Variants in RBMS3 observed in about 807,000 individuals in gnomAD.
RBMS3 encodes RNA binding motif single stranded interacting protein 3.
Under a neutral mutation model 66.8 loss-of-function variants are expected in RBMS3, and 27 were observed. The observed-to-expected ratio is 0.40, with a 90% CI of 0.30 to 0.56. The LOEUF is 0.56. Ranked by LOEUF, RBMS3 falls within the 20% of genes least tolerant of loss-of-function variation. RBMS3 has a pLI of 0.40. For missense variants in RBMS3, 513 were observed against 549.5 expected, an observed-to-expected ratio of 0.93 and a Z score of 0.66; for synonymous variants, 188 against 183.0, an observed-to-expected ratio of 1.03 and a Z score of -0.22.
intron 3 of RBMS3, among the ~76,000 whole-genome samples, chr3:29,510,738 A>C (rs148464159): frequency 9.2e-5 from 14 of 152,236 alleles, no homozygotes; most frequent in African/African-American, 3.4e-4. Flanking sequence ...AGATTTTTGG[A>C]TTAGGGATGC....
chr3:29,927,254 C>T (rs1263026454), intron 10 of RBMS3: 2 of 152,136 alleles, frequency 1.3e-5, no homozygotes, highest in Non-Finnish European at 2.9e-5. Flanking sequence ...CTGGTATTTC[C>T]ATTGAATCTT....
intron 6 of RBMS3, among the ~76,000 whole-genome samples, chr3:29,854,173 T>C (rs1434463208): frequency 2.0e-5 from 3 of 152,266 alleles, no homozygotes; most frequent in South Asian, 4.2e-4. Flanking sequence ...AGCTCCAGGC[T>C]GAGAAGGGCG....
chr3:29,541,039 T>C (rs1277647725), intron 3 of RBMS3, among the ~76,000 whole-genome samples: 6 of 152,210 alleles, frequency 3.9e-5, no homozygotes, highest in Admixed American at 3.9e-4. Context: ...GAAAACTACA[T>C]AGCCCATTGT....
intron 4 of RBMS3, among the ~76,000 whole-genome samples, chr3:29,652,992 A>G (rs979030020): frequency 3.3e-5 from 5 of 152,338 alleles, no homozygotes; most frequent in Middle Eastern, 3.4e-3. Context: ...TGTAGAAATC[A>G]ACTTCTATAG....
chr3:29,799,577 G>T (rs2057324500), intron 6 of RBMS3, among the ~76,000 whole-genome samples: 1 of 152,064 alleles, frequency 6.6e-6, no homozygotes, highest in Non-Finnish European at 1.5e-5. Context: ...ATTTTTCAAA[G>T]CAACAAAACA....
At chr3:29,897,575 C>T (rs942109222) in intron 9 of RBMS3, 100 bp downstream of exon 9, 3 of 1,055,054 alleles carry the variant, frequency 2.8e-6, no homozygotes, top group African/African-American at 1.6e-5. Context: ...AAAAAATTCT[C>T]ATACACTTTA....
intron 6 of RBMS3, among the ~76,000 whole-genome samples, chr3:29,826,702 A>G (rs936063385): frequency 6.6e-6 from 1 of 152,152 alleles, no homozygotes; most frequent in African/African-American, 2.4e-5. Flanking sequence ...GAAATCACCT[A>G]CATTTCTTAG....
chr3:29,884,935 G>T (rs921580191), intron 8 of RBMS3, among the ~76,000 whole-genome samples: 2 of 151,980 alleles, frequency 1.3e-5, no homozygotes, highest in African/African-American at 4.8e-5. Flanking sequence ...GCTTTCAGTT[G>T]TCTGTCTTTC....
chr3:29,481,252 G>T (rs1171406471), intron 2 of RBMS3, among the ~76,000 whole-genome samples: 1 of 152,194 alleles, frequency 6.6e-6, no homozygotes, highest in Non-Finnish European at 1.5e-5. Context: ...GGGTGGAGAT[G>T]AGAGGCTTTG....
intron 3 of RBMS3, among the ~76,000 whole-genome samples, chr3:29,529,071 T>A (rs930694444): frequency 1.3e-5 from 2 of 152,288 alleles, no homozygotes; most frequent in Admixed American, 1.3e-4. Flanking sequence ...ATTGTTTTAG[T>A]GGCAGAATAG....
intron 1 of RBMS3, among the ~76,000 whole-genome samples, chr3:29,295,850 A>G (rs1487322080): frequency 1.3e-5 from 2 of 151,744 alleles, no homozygotes; most frequent in Non-Finnish European, 2.9e-5. Flanking sequence ...TAAAAATTAA[A>G]TCTTTCATCT....
At chr3:29,393,976 G>T (rs1352011039) in intron 1 of RBMS3, among the ~76,000 whole-genome samples, 1 of 152,116 alleles carries the variant, frequency 6.6e-6, no homozygotes, top group East Asian at 1.9e-4. Flanking sequence ...TGTCCCACTG[G>T]GCATGCATTG....
intron 12 of RBMS3, among the ~76,000 whole-genome samples, chr3:29,974,605 C>A (rs1697434093): frequency 6.6e-6 from 1 of 151,474 alleles, no homozygotes; most frequent in South Asian, 2.1e-4. Context: ...CTTTTATAAT[C>A]CCCACAAAAG....
At chr3:29,551,060 A>G (rs1350650935) in intron 3 of RBMS3, among the ~76,000 whole-genome samples, 4 of 152,232 alleles carry the variant, frequency 2.6e-5, no homozygotes, top group Non-Finnish European at 1.5e-5. Flanking sequence ...ATGGACATTT[A>G]AAGAAAGAAA....
At chr3:29,551,523 A>C (rs35897) in intron 3 of RBMS3, among the ~76,000 whole-genome samples, 91,317 of 151,980 alleles carry the variant, frequency 0.6, 28,202 homozygotes, top group African/African-American at 0.74. Flanking sequence ...TAGAAAAATA[A>C]AATAGGGATA....
At chr3:29,939,018 G>T (rs1354918203) in intron 11 of RBMS3, among the ~76,000 whole-genome samples, 1 of 151,940 alleles carries the variant, frequency 6.6e-6, no homozygotes, top group Non-Finnish European at 1.5e-5. Flanking sequence ...CTTCTAACTG[G>T]TGGGAGTCTA....
At chr3:29,474,106 T>C (rs2042863357) in intron 2 of RBMS3, among the ~76,000 whole-genome samples, 1 of 152,266 alleles carries the variant, frequency 6.6e-6, no homozygotes, top group African/African-American at 2.4e-5. Flanking sequence ...CAGCGCCTCT[T>C]CTAATTTTTC....
chr3:29,388,077 A>T lies in RBMS3; in HGVS notation c.76-46666A>T, dbSNP rs1034490233. Reference sequence around the variant, plus strand: ...ACTTCCCCAACCAAACTGTCTACACACACACAGACACACACACACACACAC... The same window carrying T: ...ACTTCCCCAACCAAACTGTCTACACTCACACAGACACACACACACACACAC... On this transcript the variant is annotated intron_variant, in intron 1 of 14. Coordinates refer to ENST00000383767, the MANE Select transcript of RBMS3 (RefSeq NM_001003793.3). Among the ~76,000 whole-genome samples the T allele has an allele frequency of 1.3e-4, 14 of 105,648 alleles. No homozygotes were observed. In the East Asian group the frequency reaches 5.0e-3, roughly 38 times the overall value. The allele number at this position is 105,648 out of a possible 152,430, so 69.3% of individuals were successfully genotyped here.
rs145419453 is a variant in RBMS3 at position 29,784,485 on chromosome 3, G to T, written c.637+21496G>T. 6.6e-3 allele frequency among the ~76,000 whole-genome samples: 1,009 copies of T among 152,040 alleles called. 16 individuals carry two copies. Among genetic ancestry groups the T allele is most frequent in the Middle Eastern group, 0.027 (8 of 294 alleles). On this transcript the variant is annotated intron_variant, in intron 6 of 14. Transcript: ENST00000383767. Reference sequence around the variant, plus strand: ...GGAAAATTTAAAAATTCTTTGAACTGAACAATAATAGTAACACAACCTATC... The same window carrying T: ...GGAAAATTTAAAAATTCTTTGAACTTAACAATAATAGTAACACAACCTATC...
Sources: gnomAD v4.1 joint callset for allele counts (sites outside exome capture counted in the v4.1 genomes callset) on GRCh38, gnomAD v4.1.1 for gene constraint, MANE v1.5 for transcripts, NCBI Gene and HGNC (gene_info 2026-07-23, HGNC 2026-07-21) for gene names.